The following KCNN1 variants were observed in gnomAD, a reference collection of about 807,000 sequenced individuals.
The protein encoded by KCNN1 is small conductance calcium-activated potassium channel protein 1.
In KCNN1, 20 loss-of-function variants were observed where a neutral mutation model predicts 44.7. The ratio of observed to expected loss-of-function variants is 0.45; its 90% CI spans 0.32 to 0.65. The LOEUF is 0.65. Among genes scored for constraint, KCNN1 ranks in the 30% least tolerant of loss-of-function variants. The probability of loss-of-function intolerance (pLI) is 0.05; values close to 1 mark genes in which losing one functional copy is unlikely to be tolerated. For missense variants in KCNN1, 632 were observed against 785.3 expected (o/e 0.80, Z 2.33); for synonymous variants, 324 against 341.7 (o/e 0.95, Z 0.57).
chr19:17,959,161 A>AT (rs1403285560), intron 2 of KCNN1, among the ~76,000 whole-genome samples: 2 of 150,084 alleles, frequency 1.3e-5, no homozygotes, highest in Non-Finnish European at 2.9e-5. Context: ...AGTAGCTGGG[A>AT]TTATACGCGT....
intron 1 of KCNN1, among the ~76,000 whole-genome samples, chr19:17,953,173 C>A (rs1045321890): frequency 1.2e-4 from 19 of 152,180 alleles, no homozygotes; most frequent in African/African-American, 4.3e-4. Flanking sequence ...CCCCCGTGTG[C>A]CCCCGCTCCC....
intron 3 of KCNN1, among the ~76,000 whole-genome samples, chr19:17,979,238 C>T (rs1360358398): frequency 6.6e-6 from 1 of 150,408 alleles, no homozygotes; most frequent in African/African-American, 2.4e-5. Flanking sequence ...TGGAGACCAT[C>T]CTGGCTAACA....
rs368421406 is a variant in KCNN1, at chr19:17,983,123, A to G, written c.917+996A>G. On this transcript the variant is annotated intron_variant, in intron 4 of 9. Coordinates refer to ENST00000684775, the MANE Select transcript of KCNN1 (RefSeq NM_001386974.1). The surrounding 1 kb of genome is among the most constrained non-coding windows in gnomAD (Gnocchi z 4.5). ...TGTAAATACCCCTAGGAGGTGGTGGACCATCAACCCGATTTACAGAGAGGG... is the reference window on the plus strand; with the variant it reads ...TGTAAATACCCCTAGGAGGTGGTGGGCCATCAACCCGATTTACAGAGAGGG... 9.9e-5 allele frequency among the ~76,000 whole-genome samples: 15 copies of G among 152,248 alleles called. No individual in the cohort carries two copies. In the East Asian group the frequency reaches 2.9e-3, roughly 29 times the overall value.
At chr19:17,955,150 G>A (rs1206861564) in intron 2 of KCNN1, among the ~76,000 whole-genome samples, 2 of 143,270 alleles carry the variant, frequency 1.4e-5, no homozygotes, top group East Asian at 4.6e-4. Flanking sequence ...GGCTAAGGTG[G>A]GAGTATCGAG....
At chr19:17,958,442 C>T (rs186325855) in intron 2 of KCNN1, among the ~76,000 whole-genome samples, 1 of 151,148 alleles carries the variant, frequency 6.6e-6, no homozygotes, top group East Asian at 1.9e-4. Flanking sequence ...TGCACCACTG[C>T]ACTCCAAACT....
At chr19:17,972,527 G>A (rs2032057001) in intron 1 of KCNN1, among the ~76,000 whole-genome samples, 1 of 152,184 alleles carries the variant, frequency 6.6e-6, no homozygotes, top group Non-Finnish European at 1.5e-5. Flanking sequence ...GTTAAAGCCT[G>A]CATTGCCACA....
rs1253433614 is a variant in KCNN1, at chr19:17,978,152, C to T, written c.498+2965C>T. Among the ~76,000 whole-genome samples the T allele has an allele frequency of 4.5e-5, 6 of 132,518 alleles. No homozygotes were observed. The South Asian group carries it at 6.9e-4, about 15-fold the overall frequency. 86.9% of individuals were successfully genotyped at this position (132,518 alleles called of 152,430 possible). A position where few individuals can be genotyped will look rare whatever the true frequency, so the allele number is the denominator to read the frequency against. Reference sequence around the variant, plus strand: ...TTTTTTTTTTTTTTTTTTGAGATGGCGTCTTGCTCTGTCACCCAGGCTGGA... The same window carrying T: ...TTTTTTTTTTTTTTTTTTGAGATGGTGTCTTGCTCTGTCACCCAGGCTGGA... On this transcript the variant is annotated intron_variant, in intron 3 of 9. Transcript: ENST00000684775.
intron 9 of KCNN1, among the ~76,000 whole-genome samples, chr19:17,995,479 T>C (rs1432726257): frequency 1.3e-5 from 2 of 151,726 alleles, no homozygotes; most frequent in Non-Finnish European, 2.9e-5. Flanking sequence ...CAGAAAAGAA[T>C]CTTACAGAGA....
chr19:17,991,235 T>C (rs995500601), intron 7 of KCNN1, among the ~76,000 whole-genome samples: 1 of 152,032 alleles, frequency 6.6e-6, no homozygotes, highest in African/African-American at 2.4e-5. Flanking sequence ...GAGGATCGCT[T>C]GAGGCCAGGA....
At chr19:17,994,269 AC>A (rs1238137428) in intron 9 of KCNN1, among the ~76,000 whole-genome samples, 1 of 151,706 alleles carries the variant, frequency 6.6e-6, no homozygotes, top group Non-Finnish European at 1.5e-5. Context: ...GCACAGAGAG[AC>A]CCCATCTGTA....
Position 17,999,690 on chromosome 19 carries a change from A to G in KCNN1, c.*1284A>G, listed in dbSNP as rs1217800623. 2 of 268,370 alleles carry G rather than the reference A, an allele frequency of 7.5e-6. No homozygotes were observed. Among genetic ancestry groups the G allele is most frequent in the African/African-American group, 4.4e-5 (2 of 45,492 alleles). The allele number at this position is 268,370 out of a possible 1,614,324, so 16.6% of individuals were successfully genotyped here. A position where few individuals can be genotyped will look rare whatever the true frequency, so the allele number is the denominator to read the frequency against. ...GGCTTGGGTGCTGGGAGCAACAGGC[A>G]TTTACTTGGCAGATGCTGAGCCCTG... On this transcript the variant is annotated 3_prime_UTR_variant, in exon 10 of 10. Coordinates refer to ENST00000684775, the MANE Select transcript of KCNN1 (RefSeq NM_001386974.1).
chr19:17,982,008 C>T lies in KCNN1; in HGVS notation c.798C>T (p.Ile266=), dbSNP rs1208819961. 3.7e-6 allele frequency: 6 copies of T among 1,610,762 alleles called. No homozygotes were observed. Among genetic ancestry groups the T allele is most frequent in the Non-Finnish European group, 5.1e-6 (6 of 1,178,590 alleles). The change falls in exon 4 of 10, where the codon ATC becomes ATT. Residue 266 remains isoleucine, a synonymous_variant. Coordinates refer to ENST00000684775, the MANE Select transcript of KCNN1 (RefSeq NM_001386974.1). The stretch of plus-strand genomic sequence containing the variant: ...GCAGCATCGGGGCCCTCAACAAGAT[C>T]ACCTTCAACACGCGCTTCGTCATGA... ...SSRSIGALNK[I]TFNTRFVMKT...
rs891505448 is a variant in KCNN1, at chr19:17,973,790, C to G, written c.-81-18C>G. The G allele has an allele frequency of 2.7e-6, 4 of 1,489,614 alleles. No individual in the cohort carries two copies. Among genetic ancestry groups the G allele is most frequent in the Non-Finnish European group, 3.5e-6 (4 of 1,127,384 alleles). 92.3% of individuals were successfully genotyped at this position (1,489,614 alleles called of 1,614,324 possible). ...AAGCTGGACCCTGCTGTGACCATGT[C>G]CCTCTGTGCCCTTGCAGGTCAGTGC... On this transcript the variant is annotated intron_variant, in intron 1 of 9. Coordinates refer to ENST00000684775, the MANE Select transcript of KCNN1 (RefSeq NM_001386974.1).
At position 17,998,578 on chromosome 19, in the gene KCNN1, T is replaced by C; in HGVS notation, c.*172T>C. The C allele has an allele frequency of 3.1e-6, 2 of 654,886 alleles. No individual in the cohort carries two copies. The highest frequency in any genetic ancestry group is 4.8e-6 in the Non-Finnish European group (2 of 418,946). The allele number at this position is 654,886 out of a possible 1,614,324, so 40.6% of individuals were successfully genotyped here. Reference sequence around the variant, plus strand: ...CCAGGCAGAGGGCAGGGCTGGACCATGGGTGAGGGCAGGGGAGCCCGGAGC... The same window carrying C: ...CCAGGCAGAGGGCAGGGCTGGACCACGGGTGAGGGCAGGGGAGCCCGGAGC... On this transcript the variant is annotated 3_prime_UTR_variant, in exon 10 of 10. Transcript: ENST00000684775. The surrounding 1 kb of genome is among the most constrained non-coding windows in gnomAD (Gnocchi z 5.4).
intron 2 of KCNN1, among the ~76,000 whole-genome samples, chr19:17,956,303 CAG>C (rs1380455443): frequency 2.6e-5 from 4 of 152,194 alleles, no homozygotes; most frequent in Admixed American, 2.6e-4. Context: ...GTGGAGAAAA[CAG>C]AGGTGGTGGT....
intron 2 of KCNN1, among the ~76,000 whole-genome samples, chr19:17,961,647 T>C (rs1771500612): frequency 6.8e-6 from 1 of 148,046 alleles, no homozygotes; most frequent in South Asian, 2.1e-4. Context: ...AATGGCACAA[T>C]CTTGGCTCAC....
In KCNN1 at chr19:17,993,351, A is replaced by G; in HGVS notation, c.1308-139A>G. The stretch of plus-strand genomic sequence containing the variant: ...ACTGGGAGGGAATAGACTACAGGGA[A>G]TCGGCCTCCCAACTCCCACCTCATC... On this transcript the variant is annotated intron_variant, in intron 8 of 9. Coordinates refer to ENST00000684775, the MANE Select transcript of KCNN1 (RefSeq NM_001386974.1). This position sits in a 1 kb window ranked among gnomAD's most constrained non-coding sequence, Gnocchi z 4.5. 2.8e-6 allele frequency: 2 copies of G among 718,376 alleles called. No homozygotes were observed. Among genetic ancestry groups the G allele is most frequent in the Non-Finnish European group, 4.9e-6 (2 of 405,420 alleles). The allele number at this position is 718,376 out of a possible 1,614,324, so 44.5% of individuals were successfully genotyped here.
intron 1 of KCNN1, among the ~76,000 whole-genome samples, chr19:17,970,863 T>C (rs1156307964): frequency 6.6e-6 from 1 of 151,344 alleles, no homozygotes; most frequent in African/African-American, 2.4e-5. Flanking sequence ...AAGTCACCCA[T>C]GTCCAACTCA....
At position 17,984,593 on chromosome 19, in the gene KCNN1, C is replaced by G. The variant is rs184754410; in HGVS notation, c.918-719C>G. On this transcript the variant is annotated intron_variant, in intron 4 of 9. Transcript: ENST00000684775. ...GTGGGAACAGATCCTAGAGCCACCC[C>G]CAGACCCAGAGAGCCAAGCCCTCGG... Among the ~76,000 whole-genome samples the G allele has an allele frequency of 9.1e-4, 139 of 152,238 alleles. 1 individual carries two copies. The Middle Eastern group carries it at 0.02, about 22-fold the overall frequency.
Sources: allele counts gnomAD v4.1 joint callset (sites outside exome capture counted in the v4.1 genomes callset), GRCh38; gene constraint gnomAD v4.1.1; non-coding constraint Gnocchi (gnomAD v3.1); transcripts MANE v1.5; gene names NCBI Gene and HGNC (gene_info 2026-07-23, HGNC 2026-07-21).